CLUL1: variants seen among roughly 807,000 people sequenced by gnomAD.
CLUL1 encodes clusterin-like protein 1.
A neutral mutation model predicts 49.4 loss-of-function variants in CLUL1; 43 were observed. The observed-to-expected ratio is 0.87, with a 90% CI of 0.68 to 1.12. The LOEUF (loss-of-function observed/expected upper bound fraction) is 1.12. Among genes scored for constraint, CLUL1 ranks in the 50% most tolerant of loss-of-function variants. The pLI, the probability that CLUL1 is intolerant of heterozygous loss-of-function variation, is 0.00. For synonymous variants in CLUL1, 192 were observed against 184.9 expected (o/e 1.04, Z -0.31); for missense variants, 486 against 544.4 (o/e 0.89, Z 1.07).
At position 624,956 on chromosome 18, in the gene CLUL1, G is replaced by T. The variant is rs766414750; in HGVS notation, c.347G>T (p.Cys116Phe). 1 of 1,614,180 alleles carries T rather than the reference G, an allele frequency of 6.2e-7. No homozygotes were observed. The highest frequency in any genetic ancestry group is 2.2e-5 in the East Asian group (1 of 44,886). ...RESLADSWGE[C>F]RSCLENNCMR... The stretch of plus-strand genomic sequence containing the variant: ...TCTTTGGCAGATTCCTGGGGTGAAT[G>T]CAGGTCTTGCCTGGAAAATAACTGC... Residue 116 changes from cysteine (C) to phenylalanine (F), a missense_variant, in exon 5 of 10, where the codon TGC becomes TTC. Cys to Phe is a radical substitution (Grantham distance 205, BLOSUM62 -2). Transcript: ENST00000692774.
At chr18:599,656 G>C (rs1445328222) in intron 1 of CLUL1, among the ~76,000 whole-genome samples, 1 of 152,116 alleles carries the variant, frequency 6.6e-6, no homozygotes, top group Non-Finnish European at 1.5e-5. Context: ...TAATTGGCCA[G>C]GTGCGGTGGT....
At chr18:624,743 G>A (rs987593887) in intron 4 of CLUL1, 122 bp from the exon 5 acceptor site, 1 of 856,112 alleles carries the variant, frequency 1.2e-6, no homozygotes, top group East Asian at 2.5e-5. Flanking sequence ...CAGCTGCGAG[G>A]CACCTGAAGG....
At chr18:629,698 C>CA (rs2144092504) in intron 6 of CLUL1, among the ~76,000 whole-genome samples, 1 of 152,270 alleles carries the variant, frequency 6.6e-6, no homozygotes, top group Non-Finnish European at 1.5e-5. Flanking sequence ...ATAGTAAAGA[C>CA]AAAAACAAAA....
At chr18:603,178 T>G (rs1042801982) in intron 1 of CLUL1, among the ~76,000 whole-genome samples, 1 of 152,206 alleles carries the variant, frequency 6.6e-6, no homozygotes, top group Non-Finnish European at 1.5e-5. Flanking sequence ...TGGCATCAGC[T>G]GGGAACTTGT....
At chr18:626,894 A>G (rs1297105090) in intron 5 of CLUL1, among the ~76,000 whole-genome samples, 2 of 350 alleles carry the variant, frequency 5.7e-3, no homozygotes, top group Non-Finnish European at 0.2. Flanking sequence ...AAAGAAAGAA[A>G]GAAAGAAAGA....
At chr18:640,624 G>A (rs1470199178) in intron 7 of CLUL1, among the ~76,000 whole-genome samples, 1 of 152,148 alleles carries the variant, frequency 6.6e-6, no homozygotes, top group African/African-American at 2.4e-5. Context: ...ACTGTTGTAT[G>A]TTGGTCTATG....
intron 4 of CLUL1, among the ~76,000 whole-genome samples, chr18:624,268 T>A (rs903082710): frequency 2.6e-5 from 4 of 151,508 alleles, no homozygotes; most frequent in Non-Finnish European, 4.4e-5. Flanking sequence ...TTATTTAATA[T>A]TACATTATAT....
chr18:605,757 A>G (rs1324926647), intron 1 of CLUL1, among the ~76,000 whole-genome samples: 1 of 151,950 alleles, frequency 6.6e-6, no homozygotes, highest in Non-Finnish European at 1.5e-5. Context: ...GCTCACTGCA[A>G]CCTCCGCCTA....
chr18:623,594 G>A (rs193121899), intron 4 of CLUL1, among the ~76,000 whole-genome samples: 2 of 145,234 alleles, frequency 1.4e-5, no homozygotes, highest in African/African-American at 2.6e-5. Context: ...GCAGTGAGCT[G>A]AGATTGCACC....
intron 1 of CLUL1, among the ~76,000 whole-genome samples, chr18:599,328 C>T (rs1170739659): frequency 6.6e-6 from 1 of 152,094 alleles, no homozygotes; most frequent in African/African-American, 2.4e-5. Flanking sequence ...CCTCTATGAT[C>T]CTTATCTTAT....
chr18:649,169 G>C (rs2074603617), intron 9 of CLUL1, among the ~76,000 whole-genome samples: 1 of 152,118 alleles, frequency 6.6e-6, no homozygotes, highest in Non-Finnish European at 1.5e-5. Flanking sequence ...ACCTGCCAAA[G>C]TTTAAAGAGA....
At chr18:634,291 G>A (rs1434632679) in intron 7 of CLUL1, among the ~76,000 whole-genome samples, 1 of 151,944 alleles carries the variant, frequency 6.6e-6, no homozygotes, top group Non-Finnish European at 1.5e-5. Context: ...CACCACGCCC[G>A]GCTAATTTTT....
intron 7 of CLUL1, among the ~76,000 whole-genome samples, chr18:636,538 A>G (rs1255465680): frequency 6.6e-6 from 1 of 152,164 alleles, no homozygotes; most frequent in Admixed American, 6.5e-5. Flanking sequence ...TTAAATAAAA[A>G]AATGAGTTTA....
At chr18:631,323 T>A (rs955263022) in intron 6 of CLUL1, among the ~76,000 whole-genome samples, 4 of 152,070 alleles carry the variant, frequency 2.6e-5, no homozygotes, top group African/African-American at 9.7e-5. Context: ...GCCTTATGAA[T>A]CCCTGGAAGG....
chr18:645,828 T>G, intron 9 of CLUL1, among the ~76,000 whole-genome samples: 1 of 74,884 alleles, frequency 1.3e-5, no homozygotes, highest in East Asian at 4.8e-4. Flanking sequence ...TATATATATA[T>G]ATATATATAT....
chr18:635,838 G>A (rs766511021), intron 7 of CLUL1, among the ~76,000 whole-genome samples: 17 of 152,150 alleles, frequency 1.1e-4, no homozygotes, highest in Non-Finnish European at 2.2e-4. Context: ...CTGAGTTCAA[G>A]CGATTCTGCT....
At chr18:633,266 A>G (rs2074038269) in intron 6 of CLUL1, 32 bp from the exon 7 acceptor site, 2 of 1,576,268 alleles carry the variant, frequency 1.3e-6, no homozygotes, top group Admixed American at 1.9e-5. Flanking sequence ...AACTCTTATG[A>G]CACTAACGTG....
At chr18:645,664 G>C (rs1480338281) in intron 9 of CLUL1, among the ~76,000 whole-genome samples, 1 of 149,330 alleles carries the variant, frequency 6.7e-6, no homozygotes. Context: ...CGTGGTGGCG[G>C]GCGCCTGTAG....
At chr18:603,805 C>T (rs1289056425) in intron 1 of CLUL1, among the ~76,000 whole-genome samples, 2 of 152,178 alleles carry the variant, frequency 1.3e-5, no homozygotes, top group Non-Finnish European at 2.9e-5. Context: ...CCCCTGGGAA[C>T]AACTAATCTG....
Sources: gnomAD v4.1 joint callset for allele counts (sites outside exome capture counted in the v4.1 genomes callset) on GRCh38, gnomAD v4.1.1 for gene constraint, MANE v1.5 for transcripts, NCBI Gene and HGNC (gene_info 2026-07-23, HGNC 2026-07-21) for gene names.